Variants in WFDC1 observed in about 807,000 individuals in gnomAD.
WFDC1 encodes WAP four-disulfide core domain protein 1.
WFDC1 carries 39 observed loss-of-function variants against 32.9 expected under a neutral mutation model. The ratio of observed to expected loss-of-function variants is 1.19; its 90% confidence interval spans 0.92 to 1.55. WFDC1 has a LOEUF of 1.55. WFDC1 is among the 40% of genes most tolerant of loss of function. The pLI, the probability that WFDC1 is intolerant of heterozygous loss-of-function variation, is 0.00. For synonymous variants in WFDC1, 184 were observed against 137.4 expected (o/e 1.34, Z -2.37); for missense variants, 386 against 309.5 (o/e 1.25, Z -1.85).
At chr16:84,295,181 G>C (rs940949430) in intron 1 of WFDC1, 66 bp downstream of exon 1, 9 of 1,581,216 alleles carry the variant, frequency 5.7e-6, no homozygotes, top group Admixed American at 1.7e-5. Context: ...GAGGAGAGGC[G>C]ATCCCTAGAC....
chr16:84,303,250 C>T (rs1907054686), intron 1 of WFDC1, among the ~76,000 whole-genome samples: 2 of 152,018 alleles, frequency 1.3e-5, no homozygotes, highest in Admixed American at 6.6e-5. Flanking sequence ...TTTCTTCCTC[C>T]ACCACGCAAA....
chr16:84,301,667 C>A (rs543534634), intron 1 of WFDC1, among the ~76,000 whole-genome samples: 1 of 152,086 alleles, frequency 6.6e-6, no homozygotes, highest in Non-Finnish European at 1.5e-5. Context: ...GGGGATATGT[C>A]GTACTGATGT....
At chr16:84,315,218 A>T (rs756953440) in intron 2 of WFDC1, among the ~76,000 whole-genome samples, 1 of 152,116 alleles carries the variant, frequency 6.6e-6, no homozygotes, top group Non-Finnish European at 1.5e-5. Context: ...CCTCCTTTAG[A>T]CCTATTTCCA....
chr16:84,297,798 G>C (rs1274123099), intron 1 of WFDC1, among the ~76,000 whole-genome samples: 1 of 152,088 alleles, frequency 6.6e-6, no homozygotes, highest in Non-Finnish European at 1.5e-5. Context: ...GCCCTTCTCT[G>C]GTCCTCAGTC....
chr16:84,297,379 A>G (rs965463935), intron 1 of WFDC1, among the ~76,000 whole-genome samples: 4 of 152,276 alleles, frequency 2.6e-5, no homozygotes, highest in African/African-American at 9.6e-5. Flanking sequence ...GCACTTTGGG[A>G]GGCCGAGGCG....
chr16:84,310,408 G>A (rs1360964211), intron 1 of WFDC1, among the ~76,000 whole-genome samples: 1 of 152,186 alleles, frequency 6.6e-6, no homozygotes, highest in African/African-American at 2.4e-5. Flanking sequence ...CAGTAGCTTT[G>A]TGAGGTTCTG....
At chr16:84,300,007 C>T (rs547745886) in intron 1 of WFDC1, among the ~76,000 whole-genome samples, 19 of 152,248 alleles carry the variant, frequency 1.2e-4, no homozygotes, top group Non-Finnish European at 2.4e-4. Flanking sequence ...TCCCCATCTC[C>T]TTTCCCCCAT....
intron 1 of WFDC1, among the ~76,000 whole-genome samples, chr16:84,297,617 C>A (rs1283175552): frequency 2.2e-4 from 15 of 69,446 alleles, no homozygotes; most frequent in Admixed American, 6.0e-4. Flanking sequence ...AACTCTGTCT[C>A]AAAAAAAAAA....
chr16:84,309,282 A>G (rs1447181383), intron 1 of WFDC1, among the ~76,000 whole-genome samples: 1 of 152,066 alleles, frequency 6.6e-6, no homozygotes, highest in Non-Finnish European at 1.5e-5. Context: ...AAAAAGTAAC[A>G]TGTACCTGGT....
At chr16:84,297,617 CAAAA>C (rs150683526) in intron 1 of WFDC1, among the ~76,000 whole-genome samples, 857 of 69,312 alleles carry the variant, frequency 0.012, 5 homozygotes, top group African/African-American at 0.043. Flanking sequence ...AACTCTGTCT[CAAAA>C]AAAAAAAAAA....
rs907387026 is a variant in WFDC1, at chr16:84,329,802, A to T, written c.*496A>T. The stretch of plus-strand genomic sequence containing the variant: ...GATGTGCTGAGGCCTAAATGTTAGC[A>T]GGTGGGAGGAGGCCACAGAACAATA... On this transcript the variant is annotated 3_prime_UTR_variant, in exon 7 of 7. Coordinates refer to ENST00000219454, the MANE Select transcript of WFDC1 (RefSeq NM_021197.4). 1.3e-5 allele frequency: 2 copies of T among 152,234 alleles called. No individual in the cohort carries two copies. Among genetic ancestry groups the T allele is most frequent in the Non-Finnish European group, 2.9e-5 (2 of 68,046 alleles). The allele number at this position is 152,234 out of a possible 1,614,324, so 9.4% of individuals were successfully genotyped here. A position where few individuals can be genotyped will look rare whatever the true frequency, so the allele number is the denominator to read the frequency against.
intron 1 of WFDC1, among the ~76,000 whole-genome samples, chr16:84,305,020 G>T (rs8060697): frequency 0.07 from 10,638 of 152,258 alleles, 1,167 homozygotes; most frequent in African/African-American, 0.23. Flanking sequence ...CCAGGTTCGA[G>T]TCCTGCCTCT....
chr16:84,302,718 C>A (rs894537580), intron 1 of WFDC1, among the ~76,000 whole-genome samples: 1 of 152,168 alleles, frequency 6.6e-6, no homozygotes, highest in Non-Finnish European at 1.5e-5. Context: ...AAAAGCAATT[C>A]GTTCGCCTTA....
intron 3 of WFDC1, chr16:84,318,934 GTGTGTGTGCA>G (rs970080164): frequency 2.4e-4 from 47 of 198,430 alleles, no homozygotes; most frequent in East Asian, 1.3e-3. Context: ...GTGTGTGTGT[GTGTGTGTGCA>G]TGCAAAAGTG....
At chr16:84,298,648 C>A (rs550887101) in intron 1 of WFDC1, among the ~76,000 whole-genome samples, 1 of 152,186 alleles carries the variant, frequency 6.6e-6, no homozygotes, top group Non-Finnish European at 1.5e-5. Context: ...CCTGACCAAG[C>A]GCAGGGCTGC....
intron 1 of WFDC1, among the ~76,000 whole-genome samples, chr16:84,312,631 T>C (rs1341460948): frequency 1.3e-5 from 2 of 152,182 alleles, no homozygotes; most frequent in Non-Finnish European, 2.9e-5. Flanking sequence ...TATACACATA[T>C]ATACCACATA....
At chr16:84,309,143 C>A (rs1047169269) in intron 1 of WFDC1, among the ~76,000 whole-genome samples, 1 of 152,074 alleles carries the variant, frequency 6.6e-6, no homozygotes, top group Non-Finnish European at 1.5e-5. Context: ...CTGGAGGAAA[C>A]GGTTTGAAGA....
At chr16:84,304,112 A>C (rs564507175) in intron 1 of WFDC1, among the ~76,000 whole-genome samples, 1 of 152,260 alleles carries the variant, frequency 6.6e-6, no homozygotes, top group Admixed American at 6.5e-5. Context: ...CTTTAATTGA[A>C]TCTGGACTTG....
At chr16:84,300,368 T>A (rs1481683989) in intron 1 of WFDC1, among the ~76,000 whole-genome samples, 1 of 152,240 alleles carries the variant, frequency 6.6e-6, no homozygotes, top group Non-Finnish European at 1.5e-5. Context: ...TGAGCTCTAG[T>A]GCCCAGGCAG....
Sources: gnomAD v4.1 joint callset for allele counts (sites outside exome capture counted in the v4.1 genomes callset) on GRCh38, gnomAD v4.1.1 for gene constraint, MANE v1.5 for transcripts, NCBI Gene and HGNC (gene_info 2026-07-23, HGNC 2026-07-21) for gene names.